The following RHD variants were observed in gnomAD, a reference collection of about 807,000 sequenced individuals.
RHD encodes blood group Rh(D) polypeptide.
RHD carries 16 observed loss-of-function variants against 45.5 expected under a neutral mutation model. That is an observed-to-expected ratio of 0.35 (90% CI 0.24 to 0.53). RHD has a LOEUF of 0.53. Ranked by LOEUF, RHD falls within the 20% of genes least tolerant of loss-of-function variation. RHD has a pLI of 0.92. For synonymous variants in RHD, 131 were observed against 217.5 expected (o/e 0.60, Z 3.50); for missense variants, 306 against 532.0 (o/e 0.58, Z 4.18).
At chr1:25,276,829 G>A (rs1342282229) in intron 1 of RHD, among the ~76,000 whole-genome samples, 1 of 132,824 alleles carries the variant, frequency 7.5e-6, no homozygotes, top group African/African-American at 2.6e-5. Context: ...CACTTTGGGA[G>A]GCCAAAGCAG....
At chr1:25,315,167 T>A (rs1446649491) in intron 7 of RHD, among the ~76,000 whole-genome samples, 1 of 129,546 alleles carries the variant, frequency 7.7e-6, no homozygotes, top group African/African-American at 2.7e-5. Context: ...AAAAAAATTT[T>A]TTTTGCAAGG....
chr1:25,329,036 G>C lies in RHD; in HGVS notation c.*112G>C, dbSNP rs373760377. The C allele has an allele frequency of 6.5e-6, 9 of 1,376,950 alleles. 2 individuals are homozygous for C. The highest frequency in any genetic ancestry group is 8.2e-6 in the Non-Finnish European group (8 of 977,692). The allele number at this position is 1,376,950 out of a possible 1,614,324, so 85.3% of individuals were successfully genotyped here. ...CATGACAGCAAAGTCTCCAATGTTC[G>C]CGCAGGCACTGGAGTCAGAGAAAAT... On this transcript the variant is annotated 3_prime_UTR_variant, in exon 10 of 10. Transcript: ENST00000328664.
intron 3 of RHD, among the ~76,000 whole-genome samples, chr1:25,299,841 C>T (rs1156443340): frequency 7.6e-6 from 1 of 131,204 alleles, no homozygotes; most frequent in African/African-American, 2.6e-5. Flanking sequence ...CCTCCGCCTC[C>T]CAGGTTCCAG....
rs560482953 is a variant in RHD at position 25,320,732 on chromosome 1, T to C, written c.1154-1157T>C. On this transcript the variant is annotated intron_variant, in intron 8 of 9. Transcript: ENST00000328664. ...TGGAGGAATACATATGGCCAAGCTA[T>C]CTGGGCAGAGAGTAGACAGGGAATG... Among the ~76,000 whole-genome samples the C allele has an allele frequency of 3.0e-5, 4 of 132,100 alleles. 1 individual carries two copies. The highest frequency in any genetic ancestry group is 1.5e-4 in the Admixed American group (2 of 13,540). 86.7% of individuals were successfully genotyped at this position (132,100 alleles called of 152,430 possible). A position where few individuals can be genotyped will look rare whatever the true frequency, so the allele number is the denominator to read the frequency against.
At position 25,281,522 on chromosome 1, in the gene RHD, T is replaced by C. The variant is rs1641487291; in HGVS notation, c.149-3051T>C. Among the ~76,000 whole-genome samples, 2 of 131,828 alleles carry C rather than the reference T, an allele frequency of 1.5e-5. 1 individual carries two copies. Among genetic ancestry groups the C allele is most frequent in the Non-Finnish European group, 3.6e-5 (2 of 55,730 alleles). 86.5% of individuals were successfully genotyped at this position (131,828 alleles called of 152,430 possible). A position where few individuals can be genotyped will look rare whatever the true frequency, so the allele number is the denominator to read the frequency against. On this transcript the variant is annotated intron_variant, in intron 1 of 9. Transcript: ENST00000328664. Reference sequence around the variant, plus strand: ...TGCATATCTGAAGTGGGGCATGCAGTCTCCAACTGAACACAAGCCTCACTG... The same window carrying C: ...TGCATATCTGAAGTGGGGCATGCAGCCTCCAACTGAACACAAGCCTCACTG...
chr1:25,320,191 A>C (rs1338528410), intron 8 of RHD, among the ~76,000 whole-genome samples: 1 of 132,008 alleles, frequency 7.6e-6, no homozygotes, highest in African/African-American at 2.6e-5. Context: ...AGCCACTGCG[A>C]CCGGCCGACA....
At chr1:25,318,548 A>T (rs1644531757) in intron 8 of RHD, among the ~76,000 whole-genome samples, 1 of 131,844 alleles carries the variant, frequency 7.6e-6, no homozygotes, top group South Asian at 2.3e-4. Context: ...AGGTTGCACC[A>T]CTGCCCTCCA....
At chr1:25,322,106 A>G in intron 9 of RHD, 144 bp downstream of exon 9, 4 of 498,378 alleles carry the variant, frequency 8.0e-6, no homozygotes, top group Non-Finnish European at 1.3e-5. Context: ...CTAGAGGAGA[A>G]ACAAATCCAT....
chr1:25,288,476 G>A lies in RHD; in HGVS notation c.336-2165G>A, dbSNP rs1275048652. Among the ~76,000 whole-genome samples, 2 of 127,540 alleles carry A rather than the reference G, an allele frequency of 1.6e-5. 1 individual carries two copies. The highest frequency in any genetic ancestry group is 3.7e-5 in the Non-Finnish European group (2 of 54,070). The allele number at this position is 127,540 out of a possible 152,430, so 83.7% of individuals were successfully genotyped here. On this transcript the variant is annotated intron_variant, in intron 2 of 9. Transcript: ENST00000328664. ...ATTACAGGTGTGAGCCACCATTCCT[G>A]GCCTTAAAAGTGTGATATTTTTAAT...
At chr1:25,316,649 A>T in intron 7 of RHD, among the ~76,000 whole-genome samples, 1 of 124,056 alleles carries the variant, frequency 8.1e-6, no homozygotes, top group Non-Finnish European at 1.9e-5. Flanking sequence ...GAGAGAGAGA[A>T]AACTGGAGGC....
In RHD at chr1:25,318,673, T is replaced by C. The variant is rs1644540843; in HGVS notation, c.1153+1594T>C. ...ACATCTTTTATTGGTTAGACACCCA[T>C]ATATGTGTCCCTAAGCAGGAGGTGA... On this transcript the variant is annotated intron_variant, in intron 8 of 9. Coordinates refer to ENST00000328664, the MANE Select transcript of RHD (RefSeq NM_016124.6). Among the ~76,000 whole-genome samples the C allele has an allele frequency of 1.5e-5, 2 of 132,834 alleles. 1 individual carries two copies. Among genetic ancestry groups the C allele is most frequent in the Admixed American group, 1.5e-4 (2 of 13,682 alleles). 87.1% of individuals were successfully genotyped at this position (132,834 alleles called of 152,430 possible).
chr1:25,286,397 G>A (rs1641994190), intron 2 of RHD, among the ~76,000 whole-genome samples: 1 of 134,966 alleles, frequency 7.4e-6, no homozygotes, highest in African/African-American at 2.6e-5. Flanking sequence ...GCTGAGGCAG[G>A]AGGATCACCT....
At chr1:25,290,497 G>A (rs1642394798) in intron 2 of RHD, 144 bp from the exon 3 acceptor site, 1 of 768,300 alleles carries the variant, frequency 1.3e-6, no homozygotes, top group East Asian at 2.6e-5. Flanking sequence ...GCCCAGGTGG[G>A]TAGAAATCTT....
chr1:25,303,112 GC>G (rs1643517391), intron 5 of RHD, among the ~76,000 whole-genome samples: 1 of 132,020 alleles, frequency 7.6e-6, no homozygotes, highest in African/African-American at 2.6e-5. Flanking sequence ...GGGTAACTGT[GC>G]CCTGAGCCTA....
chr1:25,306,104 T>C lies in RHD; in HGVS notation c.940-492T>C, dbSNP rs1213231048. Among the ~76,000 whole-genome samples the C allele has an allele frequency of 1.5e-5, 2 of 131,390 alleles. 1 individual carries two copies. Among genetic ancestry groups the C allele is most frequent in the Admixed American group, 1.5e-4 (2 of 13,508 alleles). The allele number at this position is 131,390 out of a possible 152,430, so 86.2% of individuals were successfully genotyped here. On this transcript the variant is annotated intron_variant, in intron 6 of 9. Transcript: ENST00000328664. The stretch of plus-strand genomic sequence containing the variant: ...GTTGTCTTTGGGATGGTGCTTAAAT[T>C]TGGGCTAGACCAGTGGGTCTTGGTC...
At position 25,278,550 on chromosome 1, in the gene RHD, A is replaced by T. The variant is rs1641213172; in HGVS notation, c.148+5855A>T. ...CTGCAGTTTGGGGTGGGATGGCCTCAGATGACCTCATTCACGTGTTTGGCA... is the reference window on the plus strand; with the variant it reads ...CTGCAGTTTGGGGTGGGATGGCCTCTGATGACCTCATTCACGTGTTTGGCA... On this transcript the variant is annotated intron_variant, in intron 1 of 9. Coordinates refer to ENST00000328664, the MANE Select transcript of RHD (RefSeq NM_016124.6). 2.3e-5 allele frequency among the ~76,000 whole-genome samples: 3 copies of T among 131,662 alleles called. 1 individual carries two copies. The highest frequency in any genetic ancestry group is 5.4e-5 in the Non-Finnish European group (3 of 55,548). 86.4% of individuals were successfully genotyped at this position (131,662 alleles called of 152,430 possible).
Position 25,276,532 on chromosome 1 carries a change from T to TAAAAAAA in RHD, c.148+3854_148+3860dup, listed in dbSNP as rs557746335. On this transcript the variant is annotated intron_variant, in intron 1 of 9. Coordinates refer to ENST00000328664, the MANE Select transcript of RHD (RefSeq NM_016124.6). The stretch of plus-strand genomic sequence containing the variant: ...ACATAGGGAGACCCCCCCCCATCTC[T>TAAAAAAA]AAAAAAAAAAAAAAAAAAAAAAACT... 9.3e-4 allele frequency among the ~76,000 whole-genome samples: 60 copies of TAAAAAAA among 64,780 alleles called. 2 individuals carry two copies. Among genetic ancestry groups the TAAAAAAA allele is most frequent in the African/African-American group, 4.0e-3 (56 of 13,860 alleles). The allele number at this position is 64,780 out of a possible 152,430, so 42.5% of individuals were successfully genotyped here.
chr1:25,278,867 C>T (rs1290864572), intron 1 of RHD, among the ~76,000 whole-genome samples: 3 of 128,256 alleles, frequency 2.3e-5, no homozygotes, highest in East Asian at 2.0e-4. Flanking sequence ...TGAGAGTCGC[C>T]GGTAGAGTAG....
intron 3 of RHD, among the ~76,000 whole-genome samples, chr1:25,300,433 G>T (rs1643295027): frequency 7.8e-6 from 1 of 128,186 alleles, no homozygotes; most frequent in South Asian, 2.4e-4. Context: ...GATTGCTTGA[G>T]CCTGGGAGTT....
Sources: allele counts gnomAD v4.1 joint callset (sites outside exome capture counted in the v4.1 genomes callset), GRCh38; gene constraint gnomAD v4.1.1; transcripts MANE v1.5; gene names NCBI Gene and HGNC (gene_info 2026-07-23, HGNC 2026-07-21).